Variants in RGS17 observed in about 807,000 individuals in gnomAD.
The protein encoded by RGS17 is regulator of G-protein signaling 17.
A neutral mutation model predicts 25.5 loss-of-function variants in RGS17; 12 were observed. The observed-to-expected ratio is 0.47, with a 90% CI of 0.30 to 0.76. The LOEUF is 0.76. RGS17 is among the 30% of genes least tolerant of loss of function. The probability of loss-of-function intolerance (pLI) is 0.07; values close to 1 mark genes in which losing one functional copy is unlikely to be tolerated. For synonymous variants in RGS17, 71 were observed against 76.9 expected (o/e 0.92, Z 0.40); for missense variants, 196 against 242.2 (o/e 0.81, Z 1.27).
At chr6:153,034,099 T>A (rs1204374402) in intron 2 of RGS17, among the ~76,000 whole-genome samples, 1 of 152,206 alleles carries the variant, frequency 6.6e-6, no homozygotes, top group African/African-American at 2.4e-5. Context: ...TTCAGAAATA[T>A]ATCTGATAGC....
In RGS17 at chr6:153,026,471, G is replaced by T; in HGVS notation, c.192C>A (p.Ile64=). The T allele has an allele frequency of 6.2e-7, 1 of 1,612,550 alleles. No individual in the cohort carries two copies. Among genetic ancestry groups the T allele is most frequent in the Non-Finnish European group, 8.5e-7 (1 of 1,178,904 alleles). ...ACACTCACCATTCCTCTAGGACCTGGATACTCTCCATTTTTGTAGTGTGTG... is the reference window on the plus strand; with the variant it reads ...ACACTCACCATTCCTCTAGGACCTGTATACTCTCCATTTTTGTAGTGTGTG... ...RPTHTTKMES[I]QVLEECQNPT... The change falls in exon 3 of 5, where the codon ATC becomes ATA. Residue 64 remains isoleucine (I), a synonymous_variant. Transcript: ENST00000206262.
chr6:153,117,059 G>A (rs1421174628), intron 1 of RGS17, among the ~76,000 whole-genome samples: 1 of 152,020 alleles, frequency 6.6e-6, no homozygotes, highest in Non-Finnish European at 1.5e-5. Context: ...TGTATCCCAG[G>A]ACTTGAAGTA....
intron 2 of RGS17, among the ~76,000 whole-genome samples, chr6:153,041,816 T>A (rs957297654): frequency 2.6e-5 from 4 of 152,226 alleles, no homozygotes; most frequent in Non-Finnish European, 4.4e-5. Flanking sequence ...GATCTTTTTT[T>A]AAAACAGTAT....
In RGS17 at chr6:153,130,786, G is replaced by A. The variant is rs1777778701; in HGVS notation, c.-26+338C>T. ...CCCCAGCAGGCGCCCCGCTCTCCGC[G>A]GGAACTCTGGGACCTGGCCGAGCGT... On this transcript the variant is annotated intron_variant, in intron 1 of 4. Transcript: ENST00000206262. This position sits in a 1 kb window ranked among gnomAD's most constrained non-coding sequence, Gnocchi z 6.4. Among the ~76,000 whole-genome samples the A allele has an allele frequency of 6.6e-6, 1 of 152,050 alleles. No homozygotes were observed. Among genetic ancestry groups the A allele is most frequent in the Non-Finnish European group, 1.5e-5 (1 of 67,986 alleles).
intron 1 of RGS17, among the ~76,000 whole-genome samples, chr6:153,119,413 G>A (rs973577037): frequency 6.6e-5 from 10 of 152,180 alleles, no homozygotes; most frequent in South Asian, 2.1e-4. Flanking sequence ...ATTTCAAGCC[G>A]GGCGCAGTGG....
chr6:153,124,892 G>A (rs1478159988), intron 1 of RGS17, among the ~76,000 whole-genome samples: 2 of 152,252 alleles, frequency 1.3e-5, no homozygotes, highest in East Asian at 3.9e-4. Flanking sequence ...CGTCTACCAA[G>A]AGCCAAAACT....
At chr6:153,111,985 T>G (rs1400848481) in intron 1 of RGS17, among the ~76,000 whole-genome samples, 1 of 152,136 alleles carries the variant, frequency 6.6e-6, no homozygotes, top group Non-Finnish European at 1.5e-5. Flanking sequence ...GAAAAGCCAG[T>G]GCAAAAAGGC....
chr6:153,028,524 T>C (rs2129107446), intron 2 of RGS17, among the ~76,000 whole-genome samples: 1 of 152,312 alleles, frequency 6.6e-6, no homozygotes, highest in Non-Finnish European at 1.5e-5. Context: ...ATAAGTATTT[T>C]AGAGGAGATT....
chr6:153,130,793 C>A lies in RGS17; in HGVS notation c.-26+331G>T, dbSNP rs1777778811. The stretch of plus-strand genomic sequence containing the variant: ...AGGCGCCCCGCTCTCCGCGGGAACT[C>A]TGGGACCTGGCCGAGCGTTCCCCGG... On this transcript the variant is annotated intron_variant, in intron 1 of 4. Transcript: ENST00000206262. The surrounding 1 kb of genome is among the most constrained non-coding windows in gnomAD (Gnocchi z 6.4). Among the ~76,000 whole-genome samples, 1 of 152,116 alleles carries A rather than the reference C, an allele frequency of 6.6e-6. No individual in the cohort carries two copies. The highest frequency in any genetic ancestry group is 2.1e-4 in the South Asian group (1 of 4,838).
chr6:153,084,193 T>C (rs10499270), intron 1 of RGS17, among the ~76,000 whole-genome samples: 11,786 of 152,186 alleles, frequency 0.077, 626 homozygotes, highest in East Asian at 0.17. Flanking sequence ...AGCCTGGAGC[T>C]TTATCAATGC....
chr6:153,114,582 G>A (rs1014786033), intron 1 of RGS17, among the ~76,000 whole-genome samples: 2 of 152,190 alleles, frequency 1.3e-5, no homozygotes, highest in African/African-American at 4.8e-5. Context: ...CTCATCCTAT[G>A]AGGCTGGCAT....
At chr6:153,073,472 T>TA (rs1249641337) in intron 1 of RGS17, among the ~76,000 whole-genome samples, 1 of 152,030 alleles carries the variant, frequency 6.6e-6, no homozygotes, top group Non-Finnish European at 1.5e-5. Context: ...CAGTCAAACT[T>TA]AGAGTGTTTA....
intron 1 of RGS17, among the ~76,000 whole-genome samples, chr6:153,053,250 C>A (rs533783020): frequency 6.6e-6 from 1 of 152,080 alleles, no homozygotes; most frequent in African/African-American, 2.4e-5. Context: ...AATCACAAAA[C>A]AATGTTGAAT....
intron 1 of RGS17, among the ~76,000 whole-genome samples, chr6:153,067,795 A>C (rs891467296): frequency 2.6e-5 from 4 of 152,218 alleles, no homozygotes; most frequent in Admixed American, 6.5e-5. Flanking sequence ...TTCTCAGAGA[A>C]ATAGTAAAAG....
At chr6:153,020,177 AGAGTCTC>A (rs1779234524) in intron 4 of RGS17, among the ~76,000 whole-genome samples, 1 of 96,442 alleles carries the variant, frequency 1.0e-5, no homozygotes, top group African/African-American at 4.3e-5. Context: ...TTTTTGAGAC[AGAGTCTC>A]GCACTTTTGC....
chr6:153,130,460 C>A lies in RGS17; in HGVS notation c.-26+664G>T, dbSNP rs1777770118. Among the ~76,000 whole-genome samples, 2 of 147,002 alleles carry A rather than the reference C, an allele frequency of 1.4e-5. No individual in the cohort carries two copies. The highest frequency in any genetic ancestry group is 3.0e-5 in the Non-Finnish European group (2 of 67,124). On this transcript the variant is annotated intron_variant, in intron 1 of 4. Transcript: ENST00000206262. This position sits in a 1 kb window ranked among gnomAD's most constrained non-coding sequence, Gnocchi z 6.4. ...AGGGGAAGGAACAAAAGAGACCCCC[C>A]ACCCCCTATACATACATACACATAC...
chr6:153,054,092 TTATATATATATATATATATATGTGTA>T lies in RGS17; in HGVS notation c.-25-10075_-25-10050del, dbSNP rs1214012268. On this transcript the variant is annotated intron_variant, in intron 1 of 4. Transcript: ENST00000206262. ...CATATATATATACACACAATATTTT[TTATATATATATATATATATATGTGTA>T]TATATATATATATACAGCTTTATAC... 1.0e-3 allele frequency among the ~76,000 whole-genome samples: 43 copies of T among 42,102 alleles called. 7 individuals are homozygous for T. The highest frequency in any genetic ancestry group is 1.3e-3 in the Non-Finnish European group (33 of 26,096). 27.6% of individuals were successfully genotyped at this position (42,102 alleles called of 152,430 possible).
At chr6:153,122,430 G>T (rs947307407) in intron 1 of RGS17, among the ~76,000 whole-genome samples, 2 of 152,076 alleles carry the variant, frequency 1.3e-5, no homozygotes, top group African/African-American at 2.4e-5. Context: ...TGGGTCATTA[G>T]ACATTGAATT....
intron 1 of RGS17, among the ~76,000 whole-genome samples, chr6:153,056,082 T>C (rs9371277): frequency 0.38 from 57,931 of 151,618 alleles, 11,656 homozygotes; most frequent in East Asian, 0.61. Context: ...AGTATGATGT[T>C]AAAATAGTCA....
Sources: gnomAD v4.1 joint callset for allele counts (sites outside exome capture counted in the v4.1 genomes callset) on GRCh38, gnomAD v4.1.1 for gene constraint, Gnocchi (gnomAD v3.1) non-coding constraint, MANE v1.5 for transcripts, NCBI Gene and HGNC (gene_info 2026-07-23, HGNC 2026-07-21) for gene names.